Variants in BABAM2 observed in about 807,000 individuals in gnomAD.
The protein encoded by BABAM2 is BRISC and BRCA1-A complex member 2.
In BABAM2, 31 loss-of-function variants were observed where a neutral mutation model predicts 54.7. The ratio of observed to expected loss-of-function variants is 0.57; its 90% CI spans 0.43 to 0.77. The LOEUF (loss-of-function observed/expected upper bound fraction) is 0.77, where lower values mean the gene tolerates loss of function less well. Among genes scored for constraint, BABAM2 ranks in the 30% least tolerant of loss-of-function variants. BABAM2 has a pLI of 0.00. For synonymous variants in BABAM2, 167 were observed against 162.9 expected, an observed-to-expected ratio of 1.03 and a Z score of -0.19; for missense variants, 364 against 455.8, an observed-to-expected ratio of 0.80 and a Z score of 1.83.
chr2:28,172,481 C>T (rs1233067356), intron 7 of BABAM2, among the ~76,000 whole-genome samples: 1 of 152,184 alleles, frequency 6.6e-6, no homozygotes, highest in African/African-American at 2.4e-5. Flanking sequence ...ACAAGAAGCA[C>T]ACTACACAGT....
intron 7 of BABAM2, among the ~76,000 whole-genome samples, chr2:28,232,404 A>T (rs1363802041): frequency 6.6e-6 from 1 of 152,200 alleles, no homozygotes; most frequent in African/African-American, 2.4e-5. Flanking sequence ...CAATTCCTTT[A>T]TGCCGTCACG....
chr2:28,138,986 T>G (rs1277351382), intron 7 of BABAM2, among the ~76,000 whole-genome samples: 2 of 152,150 alleles, frequency 1.3e-5, no homozygotes, highest in Non-Finnish European at 2.9e-5. Flanking sequence ...GCATATGACA[T>G]TGTTCTCTCT....
intron 9 of BABAM2, among the ~76,000 whole-genome samples, chr2:28,243,382 A>C (rs1181712153): frequency 1.3e-5 from 2 of 152,058 alleles, no homozygotes; most frequent in Admixed American, 1.3e-4. Flanking sequence ...AAATACAAAA[A>C]TTAGCTGGGC....
At chr2:27,994,788 A>G (rs997136472) in intron 4 of BABAM2, among the ~76,000 whole-genome samples, 1 of 152,218 alleles carries the variant, frequency 6.6e-6, no homozygotes, top group Non-Finnish European at 1.5e-5. Flanking sequence ...GTTAATGCAC[A>G]TGTATCCATT....
At chr2:27,975,264 G>A (rs1055310189) in intron 3 of BABAM2, among the ~76,000 whole-genome samples, 2 of 151,928 alleles carry the variant, frequency 1.3e-5, no homozygotes, top group South Asian at 2.1e-4. Context: ...TAAAATTTAC[G>A]TGGGAAGCAA....
chr2:28,090,408 C>G (rs1278677965), intron 6 of BABAM2, among the ~76,000 whole-genome samples: 1 of 152,016 alleles, frequency 6.6e-6, no homozygotes, highest in Admixed American at 6.6e-5. Flanking sequence ...CCACACCCGG[C>G]TAAGTTTTGT....
intron 4 of BABAM2, among the ~76,000 whole-genome samples, chr2:27,998,891 T>G (rs1673366369): frequency 6.6e-6 from 1 of 152,206 alleles, no homozygotes; most frequent in Non-Finnish European, 1.5e-5. Context: ...AGCTAATATA[T>G]GTATAGCATT....
intron 7 of BABAM2, among the ~76,000 whole-genome samples, chr2:28,156,174 G>C (rs1201923746): frequency 6.6e-6 from 1 of 152,108 alleles, no homozygotes; most frequent in African/African-American, 2.4e-5. Context: ...TTCTGTGCTT[G>C]TAATTTTGTC....
chr2:28,077,953 A>AGTACCTCC (rs1664832493), intron 6 of BABAM2, among the ~76,000 whole-genome samples: 1 of 152,148 alleles, frequency 6.6e-6, no homozygotes, highest in Non-Finnish European at 1.5e-5. Flanking sequence ...CATTTACAGT[A>AGTACCTCC]GTACCTCCAT....
At chr2:27,914,447 C>A (rs1433390724) in intron 2 of BABAM2, among the ~76,000 whole-genome samples, 5 of 152,190 alleles carry the variant, frequency 3.3e-5, no homozygotes, top group Non-Finnish European at 4.4e-5. Flanking sequence ...CCTTCCCTGT[C>A]TTTTTTGGCT....
intron 7 of BABAM2, among the ~76,000 whole-genome samples, chr2:28,195,890 C>T (rs1240900271): frequency 6.6e-6 from 1 of 152,212 alleles, no homozygotes; most frequent in Non-Finnish European, 1.5e-5. Context: ...CCAAACACAG[C>T]ACCCATGCAA....
chr2:28,327,507 A>C lies in BABAM2; in HGVS notation c.1089-10943A>C, dbSNP rs891784146. On this transcript the variant is annotated intron_variant, in intron 11 of 11. Coordinates refer to ENST00000379624, the MANE Select transcript of BABAM2 (RefSeq NM_199191.3). ...AACCAGAATTCATCCCAATACTTTG[A>C]TGTCTAGAAATGGATCTCAGTCAGT... The C allele has an allele frequency of 3.4e-6, 5 of 1,470,816 alleles. No individual in the cohort carries two copies. In the African/African-American group the frequency reaches 7.1e-5, roughly 21 times the overall value. The allele number at this position is 1,470,816 out of a possible 1,614,324, so 91.1% of individuals were successfully genotyped here.
intron 6 of BABAM2, among the ~76,000 whole-genome samples, chr2:28,088,092 T>C (rs1439266309): frequency 6.6e-6 from 1 of 152,254 alleles, no homozygotes; most frequent in Non-Finnish European, 1.5e-5. Context: ...AAATTTTGTT[T>C]ATGTGAACAC....
intron 10 of BABAM2, 80 bp downstream of exon 10, chr2:28,244,942 C>T (rs527916838): frequency 3.4e-6 from 4 of 1,187,652 alleles, no homozygotes; most frequent in Admixed American, 2.0e-5. Flanking sequence ...GTACTAGAAC[C>T]TTTTCTGTCC....
intron 4 of BABAM2, chr2:28,016,414 G>A: frequency 7.1e-7 from 1 of 1,406,436 alleles, no homozygotes; most frequent in African/African-American, 1.4e-5. Flanking sequence ...CTGAAGACTG[G>A]ATTGGACCCC....
intron 11 of BABAM2, chr2:28,327,436 T>C (rs761671071): frequency 1.8e-5 from 28 of 1,590,662 alleles, no homozygotes; most frequent in Non-Finnish European, 2.3e-5. Context: ...CTCAGTAATT[T>C]TGATCACTTT....
At chr2:28,032,454 C>T (rs1005792986) in intron 5 of BABAM2, among the ~76,000 whole-genome samples, 1 of 152,118 alleles carries the variant, frequency 6.6e-6, no homozygotes, top group Non-Finnish European at 1.5e-5. Flanking sequence ...GCCCCCTGAA[C>T]CTCCATTTAG....
intron 4 of BABAM2, among the ~76,000 whole-genome samples, chr2:27,997,741 C>T (rs1030555760): frequency 6.6e-6 from 1 of 152,058 alleles, no homozygotes; most frequent in African/African-American, 2.4e-5. Context: ...TTTTGAAATC[C>T]AATGGCAAAT....
At chr2:28,233,200 A>T in intron 7 of BABAM2, 2 of 471,140 alleles carry the variant, frequency 4.2e-6, no homozygotes, top group Non-Finnish European at 8.8e-6. Context: ...TCCCCGCACC[A>T]CTCTGGGGAT....
Sources: gnomAD v4.1 joint callset for allele counts (sites outside exome capture counted in the v4.1 genomes callset) on GRCh38, gnomAD v4.1.1 for gene constraint, MANE v1.5 for transcripts, NCBI Gene and HGNC (gene_info 2026-07-23, HGNC 2026-07-21) for gene names.